SGCZ: variants seen among roughly 807,000 people sequenced by gnomAD.
SGCZ encodes zeta-sarcoglycan.
SGCZ carries 40 observed loss-of-function variants against 41.3 expected under a neutral mutation model. That is an observed-to-expected ratio of 0.97 (90% CI 0.75 to 1.26). The LOEUF (loss-of-function observed/expected upper bound fraction) is 1.26. SGCZ is among the 50% of genes most tolerant of loss of function. The pLI, the probability that SGCZ is intolerant of heterozygous loss-of-function variation, is 0.00. For synonymous variants in SGCZ, 206 were observed against 137.5 expected (o/e 1.50, Z -3.49); for missense variants, 552 against 369.8 (o/e 1.49, Z -4.04).
chr8:15,051,884 T>C (rs1239943613), intron 1 of SGCZ, among the ~76,000 whole-genome samples: 2 of 151,976 alleles, frequency 1.3e-5, no homozygotes, highest in Non-Finnish European at 2.9e-5. Context: ...ATAGGAAGTG[T>C]AAGAAACTGG....
chr8:14,251,828 G>GC (rs903934944), intron 3 of SGCZ, among the ~76,000 whole-genome samples: 5 of 152,066 alleles, frequency 3.3e-5, no homozygotes, highest in Non-Finnish European at 1.5e-5. Flanking sequence ...TGGTTCTCCT[G>GC]CCTCAGCCTC....
chr8:14,418,288 G>A (rs564102020), intron 2 of SGCZ, among the ~76,000 whole-genome samples: 1 of 152,060 alleles, frequency 6.6e-6, no homozygotes, highest in African/African-American at 2.4e-5. Context: ...GAGGCCTAAT[G>A]TTTAACAAAT....
chr8:14,492,269 T>G (rs1801862795), intron 2 of SGCZ, among the ~76,000 whole-genome samples: 1 of 152,222 alleles, frequency 6.6e-6, no homozygotes, highest in African/African-American at 2.4e-5. Context: ...AATAATCTGA[T>G]TAAATGAATT....
chr8:14,433,056 C>A (rs1799991157), intron 2 of SGCZ, among the ~76,000 whole-genome samples: 1 of 147,552 alleles, frequency 6.8e-6, no homozygotes, highest in South Asian at 2.1e-4. Flanking sequence ...AAACAACAAA[C>A]AAAAAATATA....
intron 4 of SGCZ, 72 bp from the exon 5 acceptor site, chr8:14,164,774 A>G (rs1484429824): frequency 9.7e-6 from 15 of 1,546,970 alleles, no homozygotes; most frequent in Admixed American, 1.9e-5. Flanking sequence ...TTTTGGAAAT[A>G]GACTAGAAAT....
At chr8:14,594,104 G>A (rs1363784629) in intron 1 of SGCZ, among the ~76,000 whole-genome samples, 1 of 151,812 alleles carries the variant, frequency 6.6e-6, no homozygotes, top group Non-Finnish European at 1.5e-5. Flanking sequence ...CAGCCCGGGA[G>A]GTGGAGGTTA....
chr8:15,037,240 T>C (rs1277038295), intron 1 of SGCZ, among the ~76,000 whole-genome samples: 1 of 152,138 alleles, frequency 6.6e-6, no homozygotes, highest in Non-Finnish European at 1.5e-5. Context: ...GTTACCCCCA[T>C]GCTAATCTCG....
intron 1 of SGCZ, among the ~76,000 whole-genome samples, chr8:14,650,325 T>C (rs1807356254): frequency 2.0e-5 from 3 of 152,016 alleles, no homozygotes; most frequent in Admixed American, 2.0e-4. Flanking sequence ...GGACGGAAGT[T>C]TAGCTTTAAA....
intron 5 of SGCZ, among the ~76,000 whole-genome samples, chr8:14,110,004 T>G (rs1322585954): frequency 6.6e-6 from 1 of 152,192 alleles, no homozygotes; most frequent in East Asian, 1.9e-4. Flanking sequence ...GGTCCTTGTT[T>G]TTAAAACTTT....
chr8:14,362,752 G>A (rs1356118527), intron 2 of SGCZ, among the ~76,000 whole-genome samples: 2 of 152,168 alleles, frequency 1.3e-5, no homozygotes, highest in Non-Finnish European at 2.9e-5. Context: ...AGATGAAAAT[G>A]CAGAAATCAC....
chr8:14,583,289 T>C (rs1262485928), intron 1 of SGCZ, among the ~76,000 whole-genome samples: 1 of 152,008 alleles, frequency 6.6e-6, no homozygotes, highest in African/African-American at 2.4e-5. Flanking sequence ...ATGTGTTTTT[T>C]GGCTGCATAA....
chr8:14,369,835 A>T (rs1397305006), intron 2 of SGCZ, among the ~76,000 whole-genome samples: 5 of 152,032 alleles, frequency 3.3e-5, no homozygotes, highest in African/African-American at 1.2e-4. Context: ...ATTATTTAGA[A>T]TATAAAGGAC....
At chr8:14,461,834 G>C (rs547442378) in intron 2 of SGCZ, among the ~76,000 whole-genome samples, 3 of 152,044 alleles carry the variant, frequency 2.0e-5, no homozygotes, top group Admixed American at 1.3e-4. Flanking sequence ...GTAGTTGCTT[G>C]CAGTACACTC....
chr8:14,631,496 G>T (rs925255234), intron 1 of SGCZ, among the ~76,000 whole-genome samples: 1 of 151,966 alleles, frequency 6.6e-6, no homozygotes, highest in Non-Finnish European at 1.5e-5. Flanking sequence ...GCTTCCCCTT[G>T]CCCAGAGATA....
chr8:14,897,443 G>T (rs981773290), intron 1 of SGCZ, among the ~76,000 whole-genome samples: 4 of 152,118 alleles, frequency 2.6e-5, no homozygotes, highest in Non-Finnish European at 5.9e-5. Context: ...GAGTTTCTTT[G>T]GATCAATGTC....
intron 1 of SGCZ, among the ~76,000 whole-genome samples, chr8:14,704,826 T>A (rs1809279219): frequency 1.3e-5 from 2 of 151,946 alleles, no homozygotes. Flanking sequence ...AAAACACTTC[T>A]TAGGGATAAA....
chr8:15,093,997 C>T (rs898198277), intron 1 of SGCZ, among the ~76,000 whole-genome samples: 3 of 152,106 alleles, frequency 2.0e-5, no homozygotes, highest in East Asian at 1.9e-4. Flanking sequence ...ACAATACCTG[C>T]TAGTGGGGGA....
chr8:14,510,904 A>G (rs111279284), intron 2 of SGCZ, among the ~76,000 whole-genome samples: 1 of 152,258 alleles, frequency 6.6e-6, no homozygotes, highest in African/African-American at 2.4e-5. Context: ...ATAGGCATCA[A>G]TGAAGATAGT....
chr8:14,242,628 T>A (rs776490791), intron 3 of SGCZ, among the ~76,000 whole-genome samples: 15 of 152,292 alleles, frequency 9.8e-5, no homozygotes, highest in Admixed American at 5.2e-4. Context: ...CTTTTATGAT[T>A]TATTCCTCAA....
Sources: gnomAD v4.1 joint callset for allele counts (sites outside exome capture counted in the v4.1 genomes callset) on GRCh38, gnomAD v4.1.1 for gene constraint, MANE v1.5 for transcripts, NCBI Gene and HGNC (gene_info 2026-07-23, HGNC 2026-07-21) for gene names.